Variants in ANKRD28 observed in about 807,000 individuals in gnomAD.
ANKRD28 encodes serine/threonine-protein phosphatase 6 regulatory ankyrin repeat subunit A.
ANKRD28 carries 44 observed loss-of-function variants against 126.5 expected under a neutral mutation model. The ratio of observed to expected loss-of-function variants is 0.35; its 90% CI spans 0.27 to 0.45. ANKRD28 has a LOEUF of 0.45. ANKRD28 is among the 20% of genes least tolerant of loss of function. The probability of loss-of-function intolerance (pLI) is 1.00; values close to 1 mark genes in which losing one functional copy is unlikely to be tolerated. For synonymous variants in ANKRD28, 442 were observed against 468.5 expected, an observed-to-expected ratio of 0.94 and a Z score of 0.73; for missense variants, 1,110 against 1,316.6, an observed-to-expected ratio of 0.84 and a Z score of 2.43.
At chr3:15,762,177 G>A (rs762278511) in intron 3 of ANKRD28, among the ~76,000 whole-genome samples, 232 of 96,154 alleles carry the variant, frequency 2.4e-3, no homozygotes, top group Admixed American at 6.8e-3. Flanking sequence ...AACAGAGCAA[G>A]ACTATGTCTT....
intron 2 of ANKRD28, among the ~76,000 whole-genome samples, chr3:15,775,344 A>G (rs561181230): frequency 6.6e-5 from 10 of 152,350 alleles, no homozygotes; most frequent in Admixed American, 5.9e-4. Flanking sequence ...CACTCAATAC[A>G]AAACTGATAC....
rs1553650158 is a variant in ANKRD28, at chr3:15,850,258, G to GACAGAGAGAGAGAGAA, written c.27+9118_27+9119insTTCTCTCTCTCTCTGT. Among the ~76,000 whole-genome samples, 44 of 126,900 alleles carry GACAGAGAGAGAGAGAA rather than the reference G, an allele frequency of 3.5e-4. 1 individual carries two copies. The highest frequency in any genetic ancestry group is 3.1e-3 in the Admixed American group (39 of 12,592). The allele number at this position is 126,900 out of a possible 152,430, so 83.3% of individuals were successfully genotyped here. A position where few individuals can be genotyped will look rare whatever the true frequency, so the allele number is the denominator to read the frequency against. ...AGAGAGAGAGAGAGAGAGAGAGAGA[G>GACAGAGAGAGAGAGAA]AGAGAAAGTTGAAATCCTACCTCAT... On this transcript the variant is annotated intron_variant, in intron 1 of 27. Transcript: ENST00000399451.
chr3:15,816,136 T>A lies in ANKRD28; in HGVS notation c.28-20830A>T, dbSNP rs145483397. 1.9e-3 allele frequency among the ~76,000 whole-genome samples: 294 copies of A among 152,340 alleles called. 1 individual carries two copies. The highest frequency in any genetic ancestry group is 6.8e-3 in the African/African-American group (284 of 41,574). On this transcript the variant is annotated intron_variant, in intron 1 of 27. Transcript: ENST00000399451. This position sits in a 1 kb window ranked among gnomAD's most constrained non-coding sequence, Gnocchi z 5.0. ...TACCAAATCAAACTGCCTCAAAAACTATGTGGCTCTTGATGCTTATCAGGC... is the reference window on the plus strand; with the variant it reads ...TACCAAATCAAACTGCCTCAAAAACAATGTGGCTCTTGATGCTTATCAGGC...
At chr3:15,800,372 T>TCATTTTAA (rs1192880506), upstream of ANKRD28, among the ~76,000 whole-genome samples, 1 of 152,134 alleles carries the variant, frequency 6.6e-6, no homozygotes, top group East Asian at 1.9e-4. Flanking sequence ...CTCTCTGTGC[T>TCATTTTAA]CATTTTAACA....
upstream of ANKRD28, among the ~76,000 whole-genome samples, chr3:15,800,763 A>C (rs1361002420): frequency 6.6e-6 from 1 of 152,084 alleles, no homozygotes; most frequent in Admixed American, 6.6e-5. Flanking sequence ...CAGTTTAGGG[A>C]CTGTAAAATT....
At chr3:15,763,164 A>T (rs2058578007) in intron 3 of ANKRD28, among the ~76,000 whole-genome samples, 1 of 152,222 alleles carries the variant, frequency 6.6e-6, no homozygotes, top group Non-Finnish European at 1.5e-5. Flanking sequence ...ATTTTTCCTA[A>T]ATTAGAGCCT....
chr3:15,757,541 G>A (rs1575562675), intron 3 of ANKRD28, among the ~76,000 whole-genome samples: 1 of 152,122 alleles, frequency 6.6e-6, no homozygotes, highest in Non-Finnish European at 1.5e-5. Flanking sequence ...ATTAGGAGGC[G>A]AGGTCTTTTG....
intron 23 of ANKRD28, 50 bp from the exon 24 acceptor site, chr3:15,678,404 T>C (rs753830845): frequency 6.6e-7 from 1 of 1,520,482 alleles, no homozygotes; most frequent in South Asian, 1.2e-5. Context: ...ATGTTATATA[T>C]GCTGGAAAAA....
chr3:15,703,334 T>C (rs1368701399), intron 14 of ANKRD28, among the ~76,000 whole-genome samples: 2 of 152,208 alleles, frequency 1.3e-5, no homozygotes, highest in African/African-American at 2.4e-5. Context: ...AGTGTTGCTA[T>C]GGTCTAAATG....
chr3:15,850,264 A>AGAGGGAGAG (rs1553650173), intron 1 of ANKRD28, among the ~76,000 whole-genome samples: 1 of 80,436 alleles, frequency 1.2e-5, no homozygotes, highest in Non-Finnish European at 2.7e-5. Flanking sequence ...GAGAGAGAGA[A>AGAGGGAGAG]AGTTGAAATC....
chr3:15,797,234 T>A lies in ANKRD28; in HGVS notation c.-713A>T. On this transcript the variant is annotated 5_prime_UTR_variant, in exon 1 of 28. Coordinates refer to ENST00000683139, the MANE Select transcript of ANKRD28 (RefSeq NM_001349278.2). ...CAAAAAAAAAAAAACCACTCTGCAT[T>A]AATAGCAAAGCTGCAGTACGTTTAC... 1 of 982,122 alleles carries A rather than the reference T, an allele frequency of 1.0e-6. No homozygotes were observed. Among genetic ancestry groups the A allele is most frequent in the Non-Finnish European group, 1.2e-6 (1 of 829,008 alleles). The allele number at this position is 982,122 out of a possible 1,614,324, so 60.8% of individuals were successfully genotyped here.
chr3:15,677,180 C>A, intron 25 of ANKRD28, 124 bp from the exon 26 acceptor site: 1 of 768,326 alleles, frequency 1.3e-6, no homozygotes, highest in Non-Finnish European at 2.1e-6. Flanking sequence ...ATGAATTTTC[C>A]TGGCTAATAT....
At position 15,679,294 on chromosome 3, in the gene ANKRD28, T is replaced by C; in HGVS notation, c.2561+7A>G. On this transcript the variant is annotated splice_region_variant and intron_variant, in intron 23 of 27. Transcript: ENST00000683139. ...TAAAACTATTTAATACATAGTTGAA[T>C]TCCTACCTTCCTTTTGAATCTGTGG... 1 of 1,613,470 alleles carries C rather than the reference T, an allele frequency of 6.2e-7. No individual in the cohort carries two copies. The highest frequency in any genetic ancestry group is 1.3e-5 in the African/African-American group (1 of 75,036).
chr3:15,768,391 G>A (rs1230551416), intron 2 of ANKRD28, among the ~76,000 whole-genome samples: 5 of 152,154 alleles, frequency 3.3e-5, no homozygotes, highest in Admixed American at 1.3e-4. Context: ...TTATACAGAC[G>A]TATCTTAACA....
chr3:15,670,646 G>A, intron 27 of ANKRD28, 90 bp from the exon 28 acceptor site: 1 of 1,288,506 alleles, frequency 7.8e-7, no homozygotes, highest in Non-Finnish European at 1.1e-6. Context: ...TTCAACTTTA[G>A]ACATATTTTA....
intron 25 of ANKRD28, 77 bp downstream of exon 25, chr3:15,677,403 T>G: frequency 9.2e-7 from 1 of 1,085,174 alleles, no homozygotes; most frequent in Non-Finnish European, 1.4e-6. Context: ...GAGTTGTTCA[T>G]TTTAGTGAAG....
Position 15,796,472 on chromosome 3 carries a change from GGA to G in ANKRD28, c.48_49del (p.Pro17CysfsTer5), listed in dbSNP as rs1342695856. The G allele has an allele frequency of 7.8e-7, 1 of 1,289,022 alleles. No individual in the cohort carries two copies. The highest frequency in any genetic ancestry group is 1.0e-6 in the Non-Finnish European group (1 of 988,336). The allele number at this position is 1,289,022 out of a possible 1,614,324, so 79.8% of individuals were successfully genotyped here. On this transcript the variant is annotated frameshift_variant, in exon 1 of 28. Coordinates refer to ENST00000683139, the MANE Select transcript of ANKRD28 (RefSeq NM_001349278.2). LOFTEE classifies it high-confidence loss of function. ...CTGTGGCAATTTAGAAATGAATGCA[GGA>G]GATTCATCTTCTACCTCCTCCAAAA...
At chr3:15,709,518 G>C (rs1263738117) in intron 13 of ANKRD28, 150 bp downstream of exon 13, 1 of 511,060 alleles carries the variant, frequency 2.0e-6, no homozygotes, top group Non-Finnish European at 3.4e-6. Context: ...CGAATATTTG[G>C]AAGTTACTGA....
intron 2 of ANKRD28, among the ~76,000 whole-genome samples, chr3:15,793,291 T>G (rs1254525492): frequency 1.3e-5 from 2 of 152,130 alleles, no homozygotes; most frequent in African/African-American, 4.8e-5. Context: ...GCCAAAAAGT[T>G]AACAAATCTT....
Sources: allele counts gnomAD v4.1 joint callset (sites outside exome capture counted in the v4.1 genomes callset), GRCh38; gene constraint gnomAD v4.1.1; non-coding constraint Gnocchi (gnomAD v3.1); transcripts MANE v1.5; gene names NCBI Gene and HGNC (gene_info 2026-07-23, HGNC 2026-07-21).